Variants in MEGF11 observed in about 807,000 individuals in gnomAD.
MEGF11 encodes the protein multiple epidermal growth factor-like domains protein 11.
In MEGF11, 126 loss-of-function variants were observed where a neutral mutation model predicts 146.6. That is an observed-to-expected ratio of 0.86 (90% CI 0.74 to 1.00). The LOEUF (loss-of-function observed/expected upper bound fraction) is 1.00, where lower values mean the gene tolerates loss of function less well. Ranked by LOEUF, MEGF11 falls within the 50% of genes least tolerant of loss-of-function variation. The pLI is 0.00. For synonymous variants in MEGF11, 532 were observed against 583.4 expected, an observed-to-expected ratio of 0.91 and a Z score of 1.27; for missense variants, 1,509 against 1,521.2, an observed-to-expected ratio of 0.99 and a Z score of 0.13.
rs1274027096 is a variant in MEGF11 at position 65,897,003 on chromosome 15, C to T, written c.*931G>A. 6.6e-6 allele frequency: 1 copy of T among 152,178 alleles called. No homozygotes were observed. The highest frequency in any genetic ancestry group is 1.9e-4 in the East Asian group (1 of 5,200). The allele number at this position is 152,178 out of a possible 1,614,324, so 9.4% of individuals were successfully genotyped here. A position where few individuals can be genotyped will look rare whatever the true frequency, so the allele number is the denominator to read the frequency against. ...TATGAAGAACTTGAAAGCAAGTACT[C>T]TTGAGTCAAGGGATGCTGACCAAAT... is the stretch of plus-strand genomic sequence containing the variant. On this transcript the variant is annotated 3_prime_UTR_variant, in exon 26 of 26. Transcript: ENST00000395614.
At chr15:65,913,660 A>G (rs1846184385) in intron 20 of MEGF11, 77 bp downstream of exon 20, 3 of 1,336,190 alleles carry the variant, frequency 2.2e-6, no homozygotes, top group South Asian at 2.6e-5. Flanking sequence ...ACAGCAGCCA[A>G]CCCTACAGGC....
chr15:66,024,050 A>G (rs995175623), intron 5 of MEGF11, among the ~76,000 whole-genome samples: 3 of 152,212 alleles, frequency 2.0e-5, no homozygotes, highest in African/African-American at 7.2e-5. Flanking sequence ...TGGGCTGAGC[A>G]GTGGGAAAGA....
At chr15:66,112,092 G>C (rs1028930292) in intron 4 of MEGF11, among the ~76,000 whole-genome samples, 1 of 141,354 alleles carries the variant, frequency 7.1e-6, no homozygotes, top group African/African-American at 2.6e-5. Flanking sequence ...AAAAAAAAAA[G>C]TACAACCTGT....
chr15:66,088,410 A>G (rs2086197744), intron 5 of MEGF11, among the ~76,000 whole-genome samples: 1 of 152,244 alleles, frequency 6.6e-6, no homozygotes, highest in Non-Finnish European at 1.5e-5. Context: ...TAATCCCAGC[A>G]CTTTGGGAGG....
At chr15:65,992,554 C>T (rs1596964458) in intron 5 of MEGF11, among the ~76,000 whole-genome samples, 1 of 151,782 alleles carries the variant, frequency 6.6e-6, no homozygotes, top group African/African-American at 2.4e-5. Context: ...CCAGATTCAG[C>T]AGGGTATGTG....
chr15:66,071,756 T>C (rs1256245706), intron 5 of MEGF11, among the ~76,000 whole-genome samples: 1 of 152,244 alleles, frequency 6.6e-6, no homozygotes, highest in Non-Finnish European at 1.5e-5. Context: ...GCCACTCATC[T>C]GCTGCCAATT....
intron 1 of MEGF11, among the ~76,000 whole-genome samples, chr15:66,177,745 C>T (rs544403074): frequency 3.3e-5 from 5 of 150,748 alleles, no homozygotes; most frequent in Admixed American, 1.3e-4. Flanking sequence ...AGTGCAGTGG[C>T]GGAATCACAG....
intron 5 of MEGF11, among the ~76,000 whole-genome samples, chr15:65,989,369 C>T (rs1167567235): frequency 6.6e-6 from 1 of 152,184 alleles, no homozygotes; most frequent in Non-Finnish European, 1.5e-5. Flanking sequence ...AAGGCCCCCA[C>T]CTCCCTTCTC....
chr15:66,072,543 G>C (rs1355879411), intron 5 of MEGF11, among the ~76,000 whole-genome samples: 2 of 152,160 alleles, frequency 1.3e-5, no homozygotes, highest in Non-Finnish European at 2.9e-5. Flanking sequence ...TGAATCCCCA[G>C]CATCTAAAAC....
intron 5 of MEGF11, among the ~76,000 whole-genome samples, chr15:66,061,000 C>T (rs2084882841): frequency 6.6e-6 from 1 of 152,162 alleles, no homozygotes; most frequent in African/African-American, 2.4e-5. Context: ...GGAATGGGGA[C>T]TGGAGGGGCA....
chr15:66,120,968 G>A (rs912524860), intron 3 of MEGF11, among the ~76,000 whole-genome samples: 1 of 152,194 alleles, frequency 6.6e-6, no homozygotes, highest in Non-Finnish European at 1.5e-5. Context: ...GGGAAGCAAG[G>A]CCAGGTGCCA....
At chr15:66,092,795 A>G (rs1182911792) in intron 5 of MEGF11, among the ~76,000 whole-genome samples, 1 of 152,192 alleles carries the variant, frequency 6.6e-6, no homozygotes, top group African/African-American at 2.4e-5. Flanking sequence ...CCCAGGCTGT[A>G]TTTCAACCTC....
At chr15:66,112,487 G>C (rs2087480342) in intron 4 of MEGF11, among the ~76,000 whole-genome samples, 1 of 152,184 alleles carries the variant, frequency 6.6e-6, no homozygotes, top group Admixed American at 6.5e-5. Flanking sequence ...AGGAGAGACA[G>C]AAGATGGAAT....
At chr15:66,189,437 G>A (rs1004338050) in intron 1 of MEGF11, among the ~76,000 whole-genome samples, 8 of 152,166 alleles carry the variant, frequency 5.3e-5, no homozygotes, top group East Asian at 1.9e-4. Flanking sequence ...AGGGGCCTGC[G>A]TTGTTATCCC....
intron 13 of MEGF11, 134 bp from the exon 14 acceptor site, chr15:65,923,103 C>T (rs1188293553): frequency 6.3e-6 from 6 of 949,416 alleles, no homozygotes; most frequent in East Asian, 3.1e-5. Context: ...AGGAGAAACC[C>T]GGCTGAGGCT....
intron 1 of MEGF11, among the ~76,000 whole-genome samples, chr15:66,203,609 CAG>C (rs2091226504): frequency 6.6e-6 from 1 of 152,200 alleles, no homozygotes; most frequent in Non-Finnish European, 1.5e-5. Flanking sequence ...GAAACTGAGT[CAG>C]AGAGTCCCAG....
intron 1 of MEGF11, among the ~76,000 whole-genome samples, chr15:66,224,027 T>G (rs913085440): frequency 1.3e-5 from 2 of 152,076 alleles, no homozygotes; most frequent in Non-Finnish European, 2.9e-5. Flanking sequence ...TTTCAATCAG[T>G]CATGATGGGG....
chr15:65,970,917 C>A (rs371444870), intron 7 of MEGF11: 5 of 571,506 alleles, frequency 8.7e-6, no homozygotes, highest in Non-Finnish European at 1.6e-5. Flanking sequence ...CTATTGTATA[C>A]GAGGTGCTGT....
chr15:66,077,769 G>A (rs976184553), intron 5 of MEGF11, among the ~76,000 whole-genome samples: 1 of 152,192 alleles, frequency 6.6e-6, no homozygotes. Flanking sequence ...GTACAGAGTC[G>A]AGGCCCCTGG....
Sources: allele counts gnomAD v4.1 joint callset (sites outside exome capture counted in the v4.1 genomes callset), GRCh38; gene constraint gnomAD v4.1.1; transcripts MANE v1.5; gene names NCBI Gene and HGNC (gene_info 2026-07-23, HGNC 2026-07-21).